BTBD8: variants seen among roughly 807,000 people sequenced by gnomAD.
BTBD8 encodes BTB domain containing 8, also known as BTB/POZ domain-containing protein 8.
Under a neutral mutation model 162.9 loss-of-function variants are expected in BTBD8, and 110 were observed. That is an observed-to-expected ratio of 0.68 (90% CI 0.58 to 0.79). The LOEUF is 0.79. Among genes scored for constraint, BTBD8 ranks in the 30% least tolerant of loss-of-function variants. The pLI, the probability that BTBD8 is intolerant of heterozygous loss-of-function variation, is 0.00. For synonymous variants in BTBD8, 667 were observed against 716.1 expected (o/e 0.93, Z 1.10); for missense variants, 1,905 against 2,085.4 (o/e 0.91, Z 1.68).
chr1:92,096,380 G>T (rs1384498612), intron 2 of BTBD8, among the ~76,000 whole-genome samples: 1 of 152,036 alleles, frequency 6.6e-6, no homozygotes, highest in Non-Finnish European at 1.5e-5. Flanking sequence ...CAACTCTGTT[G>T]TTCCCTTTGA....
At chr1:92,099,378 T>C (rs971137992) in intron 2 of BTBD8, among the ~76,000 whole-genome samples, 10 of 151,852 alleles carry the variant, frequency 6.6e-5, no homozygotes, top group African/African-American at 2.4e-4. Context: ...CTGGGCCCCT[T>C]GTATTTCCAT....
chr1:92,150,286 A>C (rs1216161952), intron 9 of BTBD8, among the ~76,000 whole-genome samples: 1 of 128,268 alleles, frequency 7.8e-6, no homozygotes, highest in East Asian at 2.9e-4. Flanking sequence ...TGAATATTGA[A>C]ATAATTGTGA....
rs1272745826 is a variant in BTBD8, at chr1:92,139,860, G to A, written c.833+430G>A. The A allele has an allele frequency of 4.7e-5, 7 of 147,730 alleles. No homozygotes were observed. In the East Asian group the frequency reaches 1.2e-3, roughly 26 times the overall value. 9.2% of individuals were successfully genotyped at this position (147,730 alleles called of 1,614,324 possible). On this transcript the variant is annotated intron_variant, in intron 6 of 17. Coordinates refer to ENST00000636805, the MANE Select transcript of BTBD8 (RefSeq NM_001376131.1). ...TCCCAGCACTTTGTGAGGCTGAGGC[G>A]GACGGATCACAAGATCAAGAGATCG...
intron 2 of BTBD8, among the ~76,000 whole-genome samples, chr1:92,091,565 C>T (rs924085976): frequency 2.6e-5 from 4 of 151,428 alleles, no homozygotes; most frequent in African/African-American, 7.3e-5. Flanking sequence ...GACGGAGTCT[C>T]GCTCTGTCGC....
At chr1:92,160,692 C>T (rs756478237) in intron 9 of BTBD8, among the ~76,000 whole-genome samples, 14 of 152,046 alleles carry the variant, frequency 9.2e-5, no homozygotes, top group South Asian at 6.2e-4. Flanking sequence ...AAGTAGAAGG[C>T]GGGATTTGGG....
At chr1:92,172,476 T>A (rs1650577016) in intron 13 of BTBD8, among the ~76,000 whole-genome samples, 3 of 152,244 alleles carry the variant, frequency 2.0e-5, no homozygotes, top group Admixed American at 2.0e-4. Flanking sequence ...ACAAGGTTAT[T>A]TGGTGTTTTT....
rs1475995225 is a variant in BTBD8, at chr1:92,088,778, T to C, written c.230T>C (p.Leu77Ser). ...TTCAAAGCACACAAAGCAGTCCTTTTAGCAAGAGTTCCTGACTTCTATTTT... is the reference window on the plus strand; with the variant it reads ...TTCAAAGCACACAAAGCAGTCCTTTCAGCAAGAGTTCCTGACTTCTATTTT... ...TLFKAHKAVL[L>S]ARVPDFYFHT... is the part of the protein sequence containing the mutation. Residue 77 changes from leucine to serine, a missense_variant, in exon 2 of 18, where the codon TTA becomes TCA. Coordinates refer to ENST00000636805, the MANE Select transcript of BTBD8 (RefSeq NM_001376131.1). The C allele has an allele frequency of 6.2e-7, 1 of 1,613,358 alleles. No individual in the cohort carries two copies. The highest frequency in any genetic ancestry group is 8.5e-7 in the Non-Finnish European group (1 of 1,179,532).
intron 3 of BTBD8, among the ~76,000 whole-genome samples, chr1:92,105,955 C>T (rs1000851284): frequency 2.0e-5 from 3 of 152,194 alleles, no homozygotes; most frequent in African/African-American, 7.2e-5. Context: ...ATCTAGCTAT[C>T]TATTACCAAA....
chr1:92,129,545 A>G, intron 4 of BTBD8, 142 bp from the exon 5 acceptor site: 1 of 677,562 alleles, frequency 1.5e-6, no homozygotes, highest in Non-Finnish European at 2.5e-6. Flanking sequence ...AAGTTTTATT[A>G]TGTAGTAATC....
At chr1:92,176,803 C>A in intron 13 of BTBD8, 26 bp from the exon 14 acceptor site, 2 of 1,102,966 alleles carry the variant, frequency 1.8e-6, no homozygotes, top group South Asian at 2.3e-5. Context: ...AGTCAAATTA[C>A]AAAGTATTTT....
At chr1:92,125,263 G>A (rs1052341757) in intron 4 of BTBD8, 1 of 163,028 alleles carries the variant, frequency 6.1e-6, no homozygotes, top group African/African-American at 2.4e-5. Context: ...GCAGAAGAAA[G>A]AATAGAGGGG....
chr1:92,080,697 G>A lies in BTBD8; in HGVS notation c.126G>A (p.Glu42=). The change falls in exon 1 of 18, where the codon GAG becomes GAA. Residue 42 remains glutamate, a synonymous_variant. Transcript: ENST00000636805. The part of the protein sequence containing the change: ...ERRRLKATVS[E]QLSQDLLRLL... Reference sequence around the variant, plus strand: ...GCCGGCTGAAGGCGACGGTGTCGGAGCAGCTCAGCCAGGATTTGCTCAGGT... The same window carrying A: ...GCCGGCTGAAGGCGACGGTGTCGGAACAGCTCAGCCAGGATTTGCTCAGGT... 2 of 1,612,210 alleles carry A rather than the reference G, an allele frequency of 1.2e-6. No homozygotes were observed. The highest frequency in any genetic ancestry group is 1.1e-5 in the South Asian group (1 of 90,656).
chr1:92,149,289 T>C (rs1649993110), intron 9 of BTBD8, among the ~76,000 whole-genome samples: 1 of 152,184 alleles, frequency 6.6e-6, no homozygotes, highest in African/African-American at 2.4e-5. Context: ...TCTACGTATT[T>C]AAGGTACAGA....
intron 2 of BTBD8, among the ~76,000 whole-genome samples, chr1:92,092,718 G>C (rs1648346558): frequency 6.6e-6 from 1 of 152,138 alleles, no homozygotes; most frequent in Non-Finnish European, 1.5e-5. Context: ...CCACTTATCT[G>C]TTTTGACTTT....
At chr1:92,178,034 TTTTA>T (rs1244329936) in intron 15 of BTBD8, 136 bp downstream of exon 15, 60 of 573,430 alleles carry the variant, frequency 1.0e-4, no homozygotes, top group Non-Finnish European at 1.4e-4. Flanking sequence ...TAACACAGTT[TTTTA>T]TTTATTAAAA....
intron 4 of BTBD8, among the ~76,000 whole-genome samples, chr1:92,129,078 G>T (rs1649439988): frequency 6.6e-6 from 1 of 151,670 alleles, no homozygotes; most frequent in Non-Finnish European, 1.5e-5. Flanking sequence ...AGGGTTTGCT[G>T]ATCAGTACTT....
intron 4 of BTBD8, chr1:92,115,302 G>T: frequency 2.2e-6 from 1 of 460,506 alleles, no homozygotes. Context: ...CTCCCATGAT[G>T]CCAGAGTTGT....
chr1:92,091,129 G>T (rs1398363505), intron 2 of BTBD8, among the ~76,000 whole-genome samples: 1 of 152,122 alleles, frequency 6.6e-6, no homozygotes, highest in Non-Finnish European at 1.5e-5. Flanking sequence ...GGGCCTAGTG[G>T]GAGGTGATTG....
intron 4 of BTBD8, among the ~76,000 whole-genome samples, chr1:92,118,282 C>CTTTTTTTTTTTTTTT (rs3040583): frequency 8.2e-6 from 1 of 122,316 alleles, no homozygotes; most frequent in Non-Finnish European, 1.7e-5. Flanking sequence ...TTCAGACTTT[C>CTTTTTTTTTTTTTTT]TTTTTTTTTT....
Sources: gnomAD v4.1 joint callset for allele counts (sites outside exome capture counted in the v4.1 genomes callset) on GRCh38, gnomAD v4.1.1 for gene constraint, MANE v1.5 for transcripts, NCBI Gene and HGNC (gene_info 2026-07-23, HGNC 2026-07-21) for gene names.